Variants in COG2 observed in about 807,000 individuals in gnomAD.
COG2 encodes conserved oligomeric Golgi complex subunit 2.
COG2 carries 52 observed loss-of-function variants against 90.6 expected under a neutral mutation model. The ratio of observed to expected loss-of-function variants is 0.57; its 90% CI spans 0.46 to 0.72. The LOEUF (loss-of-function observed/expected upper bound fraction) is 0.72. Ranked by LOEUF, COG2 falls within the 30% of genes least tolerant of loss-of-function variation. The pLI is 0.00. For missense variants in COG2, 829 were observed against 891.2 expected (o/e 0.93, Z 0.89); for synonymous variants, 337 against 320.4 (o/e 1.05, Z -0.55).
rs1172325164 is a variant in COG2, at chr1:230,691,374, T to A, written c.1935-10T>A. The A allele has an allele frequency of 1.3e-6, 2 of 1,592,714 alleles. No homozygotes were observed. The highest frequency in any genetic ancestry group is 4.5e-5 in the East Asian group (2 of 44,210). ...CCTCTTTTCACCAATAAACGTGTCT[T>A]CTATTCAAGGTACTATGAAACCGTG... On this transcript the variant is annotated splice_polypyrimidine_tract_variant and intron_variant, in intron 16 of 17. Coordinates refer to ENST00000366669, the MANE Select transcript of COG2 (RefSeq NM_007357.3).
At chr1:230,655,325 C>A (rs1404846052) in intron 1 of COG2, among the ~76,000 whole-genome samples, 1 of 152,142 alleles carries the variant, frequency 6.6e-6, no homozygotes, top group Non-Finnish European at 1.5e-5. Flanking sequence ...TGAATTTTGA[C>A]AAAGGCCTTT....
chr1:230,653,059 T>C (rs1661952462), intron 1 of COG2, among the ~76,000 whole-genome samples: 1 of 152,180 alleles, frequency 6.6e-6, no homozygotes, highest in South Asian at 2.1e-4. Flanking sequence ...CAGTATATTA[T>C]TAACTATAGT....
At chr1:230,677,790 T>C (rs1288109106) in intron 9 of COG2, among the ~76,000 whole-genome samples, 2 of 152,234 alleles carry the variant, frequency 1.3e-5, no homozygotes, top group Non-Finnish European at 2.9e-5. Flanking sequence ...CAGCAGATAG[T>C]ATCCATTTAT....
In COG2 at chr1:230,693,373, G is replaced by T; in HGVS notation, c.2197G>T (p.Ala733Ser). The change falls in exon 18 of 18, where the codon GCA (alanine) becomes TCA (serine). Residue 733 changes from alanine to serine, a missense_variant. Coordinates refer to ENST00000366669, the MANE Select transcript of COG2 (RefSeq NM_007357.3). ...GCTTGTTGCTGCTGCCAAGGACCAG[G>T]CAACAGCAGAGCAGCCTTAAGCATC... ...AELVAAAKDQ[A>S]TAEQP The T allele has an allele frequency of 6.2e-7, 1 of 1,612,482 alleles. No homozygotes were observed. Among genetic ancestry groups the T allele is most frequent in the Non-Finnish European group, 8.5e-7 (1 of 1,178,908 alleles).
intron 16 of COG2, 73 bp from the exon 17 acceptor site, chr1:230,691,311 A>G (rs1663022478): frequency 7.4e-7 from 1 of 1,355,706 alleles, no homozygotes; most frequent in South Asian, 1.6e-5. Context: ...TTTTTGGTCC[A>G]CAAAGCCAGT....
rs1321824235 is a variant in COG2 at position 230,642,614 on chromosome 1, A to T, written c.8A>T (p.Lys3Ile). 6 of 1,612,540 alleles carry T rather than the reference A, an allele frequency of 3.7e-6. No individual in the cohort carries two copies. The African/African-American group carries it at 8.0e-5, about 22-fold the overall frequency. ...GAGGCGGTGGCCGGCGGGATGGAGAAAAGTAGGATGAACCTGCCCAAGGGG... is the reference window on the plus strand; with the variant it reads ...GAGGCGGTGGCCGGCGGGATGGAGATAAGTAGGATGAACCTGCCCAAGGGG... Reference protein sequence around the residue: MEKSRMNLPKGPD... With the variant: MEISRMNLPKGPD... Residue 3 changes from lysine to isoleucine, a missense_variant, in exon 1 of 18, where the codon AAA (lysine) becomes ATA (isoleucine). By Grantham distance (102) the Lys-to-Ile change is moderately radical. Coordinates refer to ENST00000366669, the MANE Select transcript of COG2 (RefSeq NM_007357.3).
chr1:230,659,712 A>AAT, intron 2 of COG2, 87 bp downstream of exon 2: 1 of 1,393,354 alleles, frequency 7.2e-7, no homozygotes, highest in East Asian at 2.3e-5. Flanking sequence ...GTGTTTTTAG[A>AAT]AACCTTTTAG....
intron 12 of COG2, among the ~76,000 whole-genome samples, chr1:230,686,364 C>T (rs1230551538): frequency 1.3e-5 from 2 of 152,170 alleles, no homozygotes; most frequent in Non-Finnish European, 2.9e-5. Flanking sequence ...GCTAAGCATG[C>T]GTTCTTGCTA....
intron 16 of COG2, chr1:230,690,361 G>A (rs1662996341): frequency 6.4e-6 from 3 of 468,604 alleles, no homozygotes; most frequent in Non-Finnish European, 1.1e-5. Flanking sequence ...CTCTGCCTGG[G>A]CTTCAGCCTC....
chr1:230,678,423 C>A (rs1391090851), intron 9 of COG2: 1 of 985,302 alleles, frequency 1.0e-6, no homozygotes, highest in Non-Finnish European at 1.2e-6. Flanking sequence ...AGCTGCCACT[C>A]TTAATGGTTT....
intron 8 of COG2, 137 bp from the exon 9 acceptor site, chr1:230,674,861 A>T: frequency 1.5e-6 from 1 of 656,112 alleles, no homozygotes; most frequent in Non-Finnish European, 2.4e-6. Flanking sequence ...AAACAAACTA[A>T]ATTACAAATA....
chr1:230,687,975 A>G, intron 13 of COG2, 96 bp from the exon 14 acceptor site: 4 of 775,894 alleles, frequency 5.2e-6, no homozygotes, highest in Non-Finnish European at 8.3e-6. Flanking sequence ...TTCACCATTC[A>G]TTAGCAAATT....
intron 5 of COG2, among the ~76,000 whole-genome samples, chr1:230,666,105 C>T (rs979362958): frequency 6.6e-6 from 1 of 152,190 alleles, no homozygotes; most frequent in Non-Finnish European, 1.5e-5. Context: ...CATCAGTCTG[C>T]TGACTGCGGG....
intron 8 of COG2, among the ~76,000 whole-genome samples, chr1:230,673,235 A>G (rs1662500698): frequency 6.6e-6 from 1 of 152,190 alleles, no homozygotes; most frequent in Admixed American, 6.5e-5. Context: ...GTGTGGGGGA[A>G]TTCATGTAGA....
At chr1:230,656,265 C>T (rs1571945264) in intron 1 of COG2, among the ~76,000 whole-genome samples, 2 of 152,176 alleles carry the variant, frequency 1.3e-5, no homozygotes, top group Admixed American at 1.3e-4. Context: ...GTTCCCTCTA[C>T]ACACTCCTTT....
chr1:230,644,965 T>C (rs1017641131), intron 1 of COG2, among the ~76,000 whole-genome samples: 7 of 152,238 alleles, frequency 4.6e-5, no homozygotes, highest in Non-Finnish European at 1.0e-4. Flanking sequence ...GAGTGGCAGA[T>C]GAACGAATCA....
Position 230,669,469 on chromosome 1 carries a change from G to A in COG2, c.708G>A (p.Thr236=), listed in dbSNP as rs34010781. Residue 236 remains threonine (T), a synonymous_variant, in exon 7 of 18, where the codon ACG becomes ACA. Transcript: ENST00000366669. The part of the protein sequence containing the change: ...IIRHCLRTYA[T]IDKTRDAEAL... ...GGCACTGCTTGCGGACTTACGCCAC[G>A]ATTGACAAGACACGGGACGCGGAGG... 14,412 of 1,614,050 alleles carry A rather than the reference G, an allele frequency of 8.9e-3. 94 individuals are homozygous for A. Among genetic ancestry groups the A allele is most frequent in the South Asian group, 0.012 (1,078 of 91,080 alleles).
chr1:230,642,533 C>A lies in COG2; in HGVS notation c.-74C>A. The stretch of plus-strand genomic sequence containing the variant: ...CCGTGGAAACTGGCGGTGGCCGCGG[C>A]CGCCGAGTCGGTCTGCGCAGCCTCC... On this transcript the variant is annotated 5_prime_UTR_variant, in exon 1 of 18. Transcript: ENST00000366669. The A allele has an allele frequency of 6.8e-7, 1 of 1,473,056 alleles. No homozygotes were observed. The highest frequency in any genetic ancestry group is 9.3e-7 in the Non-Finnish European group (1 of 1,077,182). The allele number at this position is 1,473,056 out of a possible 1,614,324, so 91.2% of individuals were successfully genotyped here.
In COG2 at chr1:230,685,166, C is replaced by T. The variant is rs1662856658; in HGVS notation, c.1310C>T (p.Pro437Leu). ...TGTTGGTCAGATGAGATGTTCTTGC[C>T]ATTACTGGTGCATCGCCTGTGGAGA... is the stretch of plus-strand genomic sequence containing the variant. ...RRCWSDEMFLPLLVHRLWRLT... is the reference protein window; with the variant it reads ...RRCWSDEMFLLLLVHRLWRLT... The change falls in exon 12 of 18, where the codon CCA becomes CTA. Residue 437 changes from proline (P) to leucine (L), a missense_variant. By Grantham distance (98) the Pro-to-Leu change is moderately conservative (BLOSUM62 -3). Transcript: ENST00000366669. 6.2e-7 allele frequency: 1 copy of T among 1,614,152 alleles called. No individual in the cohort carries two copies. Among genetic ancestry groups the T allele is most frequent in the Non-Finnish European group, 8.5e-7 (1 of 1,180,028 alleles).
Sources: gnomAD v4.1 joint callset for allele counts (sites outside exome capture counted in the v4.1 genomes callset) on GRCh38, gnomAD v4.1.1 for gene constraint, MANE v1.5 for transcripts, NCBI Gene and HGNC (gene_info 2026-07-23, HGNC 2026-07-21) for gene names.